SGCD: variants seen among roughly 807,000 people sequenced by gnomAD.
SGCD encodes sarcoglycan delta.
SGCD carries 18 observed loss-of-function variants against 36.6 expected under a neutral mutation model. The ratio of observed to expected loss-of-function variants is 0.49; its 90% CI spans 0.34 to 0.73. The LOEUF is 0.73. SGCD is among the 30% of genes least tolerant of loss of function. SGCD has a pLI of 0.01. For synonymous variants in SGCD, 133 were observed against 130.6 expected, an observed-to-expected ratio of 1.02 and a Z score of -0.12; for missense variants, 387 against 346.7, an observed-to-expected ratio of 1.12 and a Z score of -0.92.
At chr5:155,846,185 G>A in the SGCD span, among the ~76,000 whole-genome samples, 28 of 152,214 alleles carry the variant, frequency 1.8e-4, no homozygotes, top group Middle Eastern at 3.4e-3. Context: ...AAACCTTAGC[G>A]TATTCGTCTT....
intron 3 of SGCD, among the ~76,000 whole-genome samples, chr5:156,380,482 A>G (rs1423047598): frequency 6.6e-6 from 1 of 152,220 alleles, no homozygotes; most frequent in Non-Finnish European, 1.5e-5. Flanking sequence ...TCATTCTCTC[A>G]TTCACTCATT....
intron 4 of SGCD, among the ~76,000 whole-genome samples, chr5:156,551,349 A>G (rs1265494248): frequency 6.6e-6 from 1 of 151,970 alleles, no homozygotes; most frequent in Non-Finnish European, 1.5e-5. Flanking sequence ...GCTTTTGTCT[A>G]TCTCATCACA....
At chr5:156,208,295 C>A (rs1231688515) in intron 3 of SGCD, among the ~76,000 whole-genome samples, 2 of 151,912 alleles carry the variant, frequency 1.3e-5, no homozygotes, top group African/African-American at 4.8e-5. Context: ...ATGAAACAAA[C>A]TTCAGGCCTA....
At chr5:156,758,496 C>T (rs899950538) in intron 8 of SGCD, among the ~76,000 whole-genome samples, 1 of 151,940 alleles carries the variant, frequency 6.6e-6, no homozygotes, top group African/African-American at 2.4e-5. Context: ...AAAAGTCCCC[C>T]TTTTGATTGG....
chr5:156,263,051 A>G (rs944513441), intron 3 of SGCD, among the ~76,000 whole-genome samples: 6 of 152,074 alleles, frequency 3.9e-5, no homozygotes, highest in Admixed American at 1.3e-4. Flanking sequence ...TTGCACTGCT[A>G]TAAACATGGG....
At chr5:156,748,103 A>G (rs1283781720) in intron 7 of SGCD, among the ~76,000 whole-genome samples, 1 of 152,216 alleles carries the variant, frequency 6.6e-6, no homozygotes, top group African/African-American at 2.4e-5. Flanking sequence ...AAGAATCTCT[A>G]GTTTCAAAAA....
intron 1 of SGCD, among the ~76,000 whole-genome samples, chr5:156,109,574 A>C (rs967936882): frequency 1.3e-5 from 2 of 152,292 alleles, no homozygotes; most frequent in Non-Finnish European, 2.9e-5. Flanking sequence ...TCATCCATCC[A>C]TATAGGAATT....
In SGCD at chr5:156,254,825, C is replaced by T. The variant is rs764473847; in HGVS notation, c.-43-74709C>T. ...TTACGTCACTGCACTCCAGCTTGGA[C>T]GACACAGCAAGACCCTGCCTCTTAA... On this transcript the variant is annotated intron_variant, in intron 3 of 9. Transcript: ENST00000517913. Among the ~76,000 whole-genome samples the T allele has an allele frequency of 9.9e-5, 15 of 152,224 alleles. 1 individual carries two copies. Among genetic ancestry groups the T allele is most frequent in the Admixed American group, 5.9e-4 (9 of 15,300 alleles).
intron 4 of SGCD, among the ~76,000 whole-genome samples, chr5:156,530,941 C>T (rs1757862540): frequency 6.6e-6 from 1 of 152,136 alleles, no homozygotes; most frequent in Non-Finnish European, 1.5e-5. Flanking sequence ...TTCTTTCTTC[C>T]TCATCATATC....
intron 3 of SGCD, among the ~76,000 whole-genome samples, chr5:156,386,033 A>G (rs925317642): frequency 1.3e-5 from 2 of 152,214 alleles, no homozygotes; most frequent in Non-Finnish European, 2.9e-5. Context: ...CTATCAGGTA[A>G]TGATGACTAC....
intron 3 of SGCD, among the ~76,000 whole-genome samples, chr5:156,275,784 G>A (rs1766304598): frequency 6.6e-6 from 1 of 152,148 alleles, no homozygotes; most frequent in South Asian, 2.1e-4. Flanking sequence ...TGAAGTATAT[G>A]CTATCATTGA....
intron 1 of SGCD, among the ~76,000 whole-genome samples, chr5:155,942,314 G>C (rs944346164): frequency 1.4e-3 from 122 of 84,462 alleles, no homozygotes; most frequent in African/African-American, 5.3e-3. Context: ...ATGTATGTAT[G>C]TATGTATGTA....
chr5:156,409,579 T>C (rs1772632517), intron 3 of SGCD, among the ~76,000 whole-genome samples: 1 of 152,224 alleles, frequency 6.6e-6, no homozygotes, highest in Non-Finnish European at 1.5e-5. Context: ...TTACATTCTG[T>C]AGACAGATTA....
chr5:156,240,607 G>T (rs776339082), intron 3 of SGCD, among the ~76,000 whole-genome samples: 2 of 152,264 alleles, frequency 1.3e-5, no homozygotes, highest in African/African-American at 4.8e-5. Flanking sequence ...GATAAGAACC[G>T]AAATTCAGAT....
intron 1 of SGCD, among the ~76,000 whole-genome samples, chr5:156,021,149 G>A (rs1298479714): frequency 1.3e-5 from 2 of 152,142 alleles, no homozygotes; most frequent in African/African-American, 4.8e-5. Flanking sequence ...TAACAGTTAT[G>A]TGCAAGTTTT....
intron 3 of SGCD, among the ~76,000 whole-genome samples, chr5:156,290,524 G>A (rs977678247): frequency 2.6e-5 from 4 of 152,156 alleles, no homozygotes; most frequent in Non-Finnish European, 5.9e-5. Flanking sequence ...TCTGAAACAG[G>A]TAGGTTGGCA....
At chr5:155,940,000 A>G (rs1757290979) in intron 1 of SGCD, among the ~76,000 whole-genome samples, 2 of 151,822 alleles carry the variant, frequency 1.3e-5, no homozygotes, top group African/African-American at 2.4e-5. Context: ...TGCCCGGCTA[A>G]TTTTTGTATT....
intron 3 of SGCD, among the ~76,000 whole-genome samples, chr5:156,387,292 G>T (rs1216434634): frequency 1.3e-5 from 2 of 152,170 alleles, no homozygotes; most frequent in Non-Finnish European, 2.9e-5. Flanking sequence ...TAGAAATTCA[G>T]ATTCTGTTTC....
chr5:156,330,070 T>G (rs1026356966), intron 2 of SGCD, among the ~76,000 whole-genome samples: 1 of 150,238 alleles, frequency 6.7e-6, no homozygotes, highest in Non-Finnish European at 1.5e-5. Context: ...CATCGTTGGT[T>G]GTACATGTGT....
Sources: gnomAD v4.1 joint callset for allele counts (sites outside exome capture counted in the v4.1 genomes callset) on GRCh38, gnomAD v4.1.1 for gene constraint, MANE v1.5 for transcripts, NCBI Gene and HGNC (gene_info 2026-07-23, HGNC 2026-07-21) for gene names.